The following MAP4K5 variants were observed in gnomAD, a reference collection of about 807,000 sequenced individuals.
The protein encoded by MAP4K5 is mitogen-activated protein kinase kinase kinase kinase 5, also known as MAPK/ERK kinase kinase kinase 5.
MAP4K5 carries 82 observed loss-of-function variants against 135.6 expected under a neutral mutation model. That is an observed-to-expected ratio of 0.60 (90% confidence interval 0.51 to 0.73). The LOEUF (loss-of-function observed/expected upper bound fraction) is 0.73. Ranked by LOEUF, MAP4K5 falls within the 30% of genes least tolerant of loss-of-function variation. The probability of loss-of-function intolerance (pLI) is 0.00; values close to 1 mark genes in which losing one functional copy is unlikely to be tolerated. For missense variants in MAP4K5, 907 were observed against 1,010.9 expected, an observed-to-expected ratio of 0.90 and a Z score of 1.39; for synonymous variants, 347 against 335.0, an observed-to-expected ratio of 1.04 and a Z score of -0.39.
chr14:50,480,150 T>A, intron 6 of MAP4K5, among the ~76,000 whole-genome samples: 1 of 152,048 alleles, frequency 6.6e-6, no homozygotes, highest in Non-Finnish European at 1.5e-5. Context: ...TTCCTAAGCT[T>A]CATATTGGTT....
intron 30 of MAP4K5, among the ~76,000 whole-genome samples, chr14:50,427,978 G>A (rs1471273935): frequency 6.6e-6 from 1 of 152,124 alleles, no homozygotes; most frequent in Non-Finnish European, 1.5e-5. Context: ...CTTCCTGACT[G>A]GGAAAGAATT....
At chr14:50,485,709 C>G (rs992389301) in intron 4 of MAP4K5, 67 bp from the exon 5 acceptor site, 1 of 980,518 alleles carries the variant, frequency 1.0e-6, no homozygotes, top group South Asian at 1.5e-5. Context: ...CTCTAAGGCT[C>G]TCACTCTTTA....
chr14:50,484,169 C>A (rs1396164774), intron 5 of MAP4K5, among the ~76,000 whole-genome samples: 1 of 152,080 alleles, frequency 6.6e-6, no homozygotes. Flanking sequence ...AAAATTAAAT[C>A]CAGTGGCACA....
intron 3 of MAP4K5, among the ~76,000 whole-genome samples, chr14:50,500,466 T>C (rs1285719296): frequency 2.0e-5 from 3 of 152,144 alleles, no homozygotes; most frequent in Admixed American, 6.6e-5. Context: ...AACAGAGGCA[T>C]AGTAGAGTAG....
chr14:50,532,223 T>C (rs922013976), intron 1 of MAP4K5, 65 bp from the exon 2 acceptor site: 3 of 562,366 alleles, frequency 5.3e-6, no homozygotes, highest in African/African-American at 4.0e-5. Flanking sequence ...GCCCGCGCCC[T>C]CGCGGCCCGG....
intron 6 of MAP4K5, among the ~76,000 whole-genome samples, chr14:50,479,032 T>G (rs879849910): frequency 9.9e-5 from 15 of 152,080 alleles, no homozygotes; most frequent in East Asian, 1.9e-4. Context: ...TGTTGTTGTT[T>G]TTTGTGCTCA....
chr14:50,467,017 T>C (rs1012717785), intron 10 of MAP4K5, among the ~76,000 whole-genome samples: 12 of 152,300 alleles, frequency 7.9e-5, no homozygotes, highest in African/African-American at 2.6e-4. Context: ...AGGTTGCATA[T>C]TTAACCAAAG....
chr14:50,422,929 T>G (rs558628597), intron 32 of MAP4K5, among the ~76,000 whole-genome samples, 192 bp downstream of exon 32: 1 of 152,210 alleles, frequency 6.6e-6, no homozygotes, highest in South Asian at 2.1e-4. Context: ...ATAACAATCC[T>G]CACACTGACA....
At chr14:50,423,209 T>G (rs1459781015) in intron 31 of MAP4K5, 33 bp from the exon 32 acceptor site, 12 of 900,508 alleles carry the variant, frequency 1.3e-5, no homozygotes, top group Non-Finnish European at 2.0e-5. Context: ...AGTAACATCT[T>G]ACTCCCCATA....
rs1185288033 is a variant in MAP4K5 at position 50,445,084 on chromosome 14, C to G, written c.1296G>C (p.Gln432His). Residue 432 changes from glutamine to histidine, a missense_variant, in exon 18 of 33, where the codon CAG becomes CAC. By Grantham distance (24) the Gln-to-His change is conservative. This residue lies in a region of MAP4K5 where 690 missense variants were observed against 777.4 expected (regional missense o/e 0.89). Coordinates refer to ENST00000682126, the MANE Select transcript of MAP4K5 (RefSeq NM_006575.6). Reference protein sequence around the residue: ...ESRAPQILRRQSSPSCGPVAE... With the variant: ...ESRAPQILRRHSSPSCGPVAE... Reference sequence around the variant, plus strand: ...CCACAGGCCCACAACTTGGGCTACTCTGTCTTCTGAGAATTTGGGGAGCTC... The same window carrying G: ...CCACAGGCCCACAACTTGGGCTACTGTGTCTTCTGAGAATTTGGGGAGCTC... The G allele has an allele frequency of 1.9e-6, 3 of 1,613,622 alleles. No homozygotes were observed. The highest frequency in any genetic ancestry group is 2.5e-6 in the Non-Finnish European group (3 of 1,179,734).
chr14:50,520,538 G>A (rs986734493), intron 2 of MAP4K5, among the ~76,000 whole-genome samples: 1 of 152,046 alleles, frequency 6.6e-6, no homozygotes, highest in Non-Finnish European at 1.5e-5. Context: ...TCCTTCTCAG[G>A]CAGTCCTAAT....
Position 50,482,478 on chromosome 14 carries a change from TAA to T in MAP4K5, c.323-64_323-63del, listed in dbSNP as rs11364906. The T allele has an allele frequency of 8.3e-6, 10 of 1,198,940 alleles. No individual in the cohort carries two copies. In the Admixed American group the frequency reaches 9.1e-5, roughly 11 times the overall value. 74.3% of individuals were successfully genotyped at this position (1,198,940 alleles called of 1,614,324 possible). A position where few individuals can be genotyped will look rare whatever the true frequency, so the allele number is the denominator to read the frequency against. On this transcript the variant is annotated intron_variant, in intron 5 of 32. Coordinates refer to ENST00000682126, the MANE Select transcript of MAP4K5 (RefSeq NM_006575.6). ...AACCTAACATTAGAAACAGTCTACT[TAA>T]AAAAAATGGCAAACTAGGCCAAGCG...
intron 14 of MAP4K5, 94 bp from the exon 15 acceptor site, chr14:50,448,926 G>A: frequency 1.1e-5 from 7 of 649,862 alleles, no homozygotes; most frequent in South Asian, 3.8e-5. Context: ...GTGGGGGAGG[G>A]AGAAAGAAGA....
intron 13 of MAP4K5, among the ~76,000 whole-genome samples, chr14:50,462,463 G>C (rs1266782692): frequency 6.6e-6 from 1 of 152,064 alleles, no homozygotes; most frequent in Non-Finnish European, 1.5e-5. Context: ...GATAAAAAAA[G>C]TATCAACTGG....
chr14:50,462,607 A>G, intron 13 of MAP4K5, 58 bp downstream of exon 13: 1 of 1,214,640 alleles, frequency 8.2e-7, no homozygotes. Flanking sequence ...AAAAAAGCAA[A>G]CTTTAAGGCC....
chr14:50,456,939 G>C (rs1228030424), intron 13 of MAP4K5, among the ~76,000 whole-genome samples: 1 of 152,178 alleles, frequency 6.6e-6, no homozygotes, highest in African/African-American at 2.4e-5. Context: ...AGGGAGAAAT[G>C]ACTTTGACCT....
At chr14:50,443,127 A>C (rs1280866910) in intron 20 of MAP4K5, among the ~76,000 whole-genome samples, 1 of 152,224 alleles carries the variant, frequency 6.6e-6, no homozygotes, top group Non-Finnish European at 1.5e-5. Context: ...TATTAATGTG[A>C]AACAATGGAT....
intron 13 of MAP4K5, among the ~76,000 whole-genome samples, chr14:50,460,332 C>G (rs563683570): frequency 5.3e-5 from 8 of 152,216 alleles, no homozygotes; most frequent in African/African-American, 1.9e-4. Flanking sequence ...CCCCCAACTG[C>G]CTGGCACGTG....
intron 6 of MAP4K5, among the ~76,000 whole-genome samples, chr14:50,481,062 GTTTTTT>G (rs761500794): frequency 4.1e-4 from 58 of 141,090 alleles, no homozygotes; most frequent in Admixed American, 5.6e-4. Context: ...ATTCGACTTT[GTTTTTT>G]TTTTTTATTT....
Sources: allele counts gnomAD v4.1 joint callset (sites outside exome capture counted in the v4.1 genomes callset), GRCh38; gene constraint gnomAD v4.1.1; regional missense constraint gnomAD v4.1.1; transcripts MANE v1.5; gene names NCBI Gene and HGNC (gene_info 2026-07-23, HGNC 2026-07-21).